PRP4K: variants seen among roughly 807,000 people sequenced by gnomAD.
PRP4K encodes pre-mRNA processing factor kinase PRP4K.
chr6:4,041,998 C>T, the PRP4K span, among the ~76,000 whole-genome samples: 1 of 152,078 alleles, frequency 6.6e-6, no homozygotes, highest in Non-Finnish European at 1.5e-5. Flanking sequence ...GGGTTGGGGG[C>T]AGTGTTGCGG....
At chr6:4,052,704 A>G in the PRP4K span, 1 of 1,511,256 alleles carries the variant, frequency 6.6e-7, no homozygotes, top group South Asian at 1.3e-5. Flanking sequence ...TTCTTTTTTT[A>G]ATTTTCTCCT....
At chr6:4,060,181 T>C in the PRP4K span, among the ~76,000 whole-genome samples, 1 of 152,240 alleles carries the variant, frequency 6.6e-6, no homozygotes, top group South Asian at 2.1e-4. The surrounding 1 kb of genome is among the most constrained non-coding windows in gnomAD (Gnocchi z 4.7). Flanking sequence ...AAGTGGTAAG[T>C]GTATGTATGT....
chr6:4,053,788 A>G, the PRP4K span, among the ~76,000 whole-genome samples: 4 of 152,266 alleles, frequency 2.6e-5, no homozygotes, highest in Admixed American at 1.3e-4. Context: ...CAGTTCTCCT[A>G]CAGTTGATGC....
the PRP4K span, chr6:4,057,338 C>G: frequency 2.5e-6 from 2 of 800,488 alleles, no homozygotes; most frequent in South Asian, 3.7e-5. Flanking sequence ...TTTCCCTTTT[C>G]TGGTGTTTTA....
chr6:4,038,901 T>A, the PRP4K span, among the ~76,000 whole-genome samples: 2 of 145,350 alleles, frequency 1.4e-5, no homozygotes, highest in Non-Finnish European at 3.0e-5. Context: ...GTTTATGGCC[T>A]TCTGGGAAAT....
chr6:4,048,209 T>G, the PRP4K span, among the ~76,000 whole-genome samples: 1 of 150,966 alleles, frequency 6.6e-6, no homozygotes, highest in Admixed American at 6.6e-5. Flanking sequence ...AAACCCCATC[T>G]CTACTAAAAA....
chr6:4,025,603 A>G, the PRP4K span, among the ~76,000 whole-genome samples: 1 of 152,334 alleles, frequency 6.6e-6, no homozygotes, highest in East Asian at 1.9e-4. Flanking sequence ...TTAATTTACA[A>G]TGGAAACTAG....
At chr6:4,021,312 T>G in the PRP4K span, 1 of 1,413,326 alleles carries the variant, frequency 7.1e-7, no homozygotes, top group Non-Finnish European at 9.7e-7. Context: ...AACCCAGCTC[T>G]TCCCTACACG....
chr6:4,029,808 A>G, the PRP4K span, among the ~76,000 whole-genome samples: 1 of 152,096 alleles, frequency 6.6e-6, no homozygotes, highest in East Asian at 1.9e-4. Flanking sequence ...GTGTTCCCAT[A>G]ATGCCCCTAT....
At chr6:4,043,694 G>A in the PRP4K span, 1 of 890,740 alleles carries the variant, frequency 1.1e-6, no homozygotes, top group Non-Finnish European at 1.7e-6. Context: ...AATACCATTT[G>A]GTTTGTTACA....
At chr6:4,042,205 G>T in the PRP4K span, among the ~76,000 whole-genome samples, 1 of 152,140 alleles carries the variant, frequency 6.6e-6, no homozygotes, top group Non-Finnish European at 1.5e-5. Context: ...CTTTACTAAG[G>T]TCATGGAAAA....
the PRP4K span, chr6:4,032,904 A>AG: frequency 5.3e-6 from 5 of 946,138 alleles, no homozygotes; most frequent in Non-Finnish European, 5.7e-6. Context: ...AAGTAACCCA[A>AG]TCCATTAACC....
the PRP4K span, chr6:4,037,377 T>C: frequency 4.6e-6 from 7 of 1,533,564 alleles, no homozygotes; most frequent in East Asian, 7.0e-5. Context: ...TTCTTTTAAC[T>C]TGCATTTGAT....
chr6:4,032,569 AAAG>A, the PRP4K span: 39 of 1,613,526 alleles, frequency 2.4e-5, no homozygotes, highest in East Asian at 2.7e-4. Context: ...CGTAGTCCTA[AAAG>A]AAGAAGTTTG....
At chr6:4,029,908 C>A in the PRP4K span, among the ~76,000 whole-genome samples, 3 of 151,536 alleles carry the variant, frequency 2.0e-5, no homozygotes, top group South Asian at 6.3e-4. Flanking sequence ...TTGAAGGAGG[C>A]AGATACTGGT....
chr6:4,060,369 T>C, the PRP4K span: 2 of 1,549,228 alleles, frequency 1.3e-6, no homozygotes, highest in South Asian at 1.2e-5. This position sits in a 1 kb window ranked among gnomAD's most constrained non-coding sequence, Gnocchi z 4.7. Flanking sequence ...TTGTATATGC[T>C]TAGTAACTTA....
chr6:4,021,769 C>T, the PRP4K span, among the ~76,000 whole-genome samples: 2 of 152,210 alleles, frequency 1.3e-5, no homozygotes, highest in African/African-American at 2.4e-5. Context: ...AGTGAGGTCG[C>T]GCTTTCCTAT....
the PRP4K span, chr6:4,050,582 T>G: frequency 1.2e-5 from 2 of 163,994 alleles, no homozygotes; most frequent in Non-Finnish European, 2.7e-5. Flanking sequence ...ATCAGAGTGA[T>G]GAGAATCTGT....
the PRP4K span, chr6:4,056,867 T>C: frequency 9.4e-7 from 1 of 1,067,334 alleles, no homozygotes; most frequent in Non-Finnish European, 1.3e-6. Context: ...AGTTTGAGTC[T>C]CTATTAAGAA....
Sources: allele counts gnomAD v4.1 joint callset (sites outside exome capture counted in the v4.1 genomes callset), GRCh38; gene constraint gnomAD v4.1.1; non-coding constraint Gnocchi (gnomAD v3.1); transcripts MANE v1.5; gene names NCBI Gene and HGNC (gene_info 2026-07-23, HGNC 2026-07-21).